Variants in LIX1L observed in about 807,000 individuals in gnomAD.
LIX1L encodes limb and CNS expressed 1 like, also known as LIX1-like protein.
LIX1L carries 20 observed loss-of-function variants against 34.0 expected under a neutral mutation model. That is an observed-to-expected ratio of 0.59 (90% confidence interval 0.41 to 0.85). The LOEUF (loss-of-function observed/expected upper bound fraction) is 0.85. LIX1L is among the 40% of genes least tolerant of loss of function. LIX1L has a pLI of 0.00. For synonymous variants in LIX1L, 170 were observed against 187.4 expected (o/e 0.91, Z 0.76); for missense variants, 397 against 447.0 (o/e 0.89, Z 1.01).
chr1:145,954,963 C>G (rs1217328331), intron 1 of LIX1L, among the ~76,000 whole-genome samples: 1 of 152,174 alleles, frequency 6.6e-6, no homozygotes, highest in Non-Finnish European at 1.5e-5. Flanking sequence ...AAAGTCAACC[C>G]TCTTTGTATT....
chr1:145,942,838 C>T lies in LIX1L; in HGVS notation c.472G>A (p.Ala158Thr). Residue 158 changes from alanine to threonine, a missense_variant, in exon 3 of 6, where the codon GCT (alanine) becomes ACT (threonine). By Grantham distance (58) the Ala-to-Thr change is moderately conservative. Transcript: ENST00000604000. ...FGSFQFCPTK[A>T]EARRSAAKIA... Reference sequence around the variant, plus strand: ...TTTGCAGCACTCCTCCGGGCCTCAGCTTTTGTGGGGCAAAACTAGGCAGGG... The same window carrying T: ...TTTGCAGCACTCCTCCGGGCCTCAGTTTTTGTGGGGCAAAACTAGGCAGGG... The T allele has an allele frequency of 6.2e-7, 1 of 1,614,112 alleles. No homozygotes were observed. Among genetic ancestry groups the T allele is most frequent in the Non-Finnish European group, 8.5e-7 (1 of 1,180,004 alleles).
Position 145,957,664 on chromosome 1 carries a change from G to T in LIX1L, c.264C>A (p.Phe88Leu). The change falls in exon 1 of 6, where the codon TTC becomes TTA. Residue 88 changes from phenylalanine to leucine, a missense_variant. Physicochemically the swap from Phe to Leu is conservative, Grantham distance 22 (BLOSUM62 0). Around this residue, in one of 3 missense-constraint regions of LIX1L, gnomAD observed 207 missense variants for 205.2 expected, o/e 1.01. Coordinates refer to ENST00000604000, the MANE Select transcript of LIX1L (RefSeq NM_153713.3). ...REAVEAVVRS[F>L]AKHTQGYGRV... ...GGCCATAGCCCTGCGTGTGCTTGGC[G>T]AAGCTCCTCACCACGGCCTCCACGG... is the stretch of plus-strand genomic sequence containing the variant. The T allele has an allele frequency of 6.5e-7, 1 of 1,542,002 alleles. No individual in the cohort carries two copies.
In LIX1L at chr1:145,943,398, A is replaced by T. The variant is rs77746277; in HGVS notation, c.457-545T>A. Among the ~76,000 whole-genome samples, 586 of 152,332 alleles carry T rather than the reference A, an allele frequency of 3.8e-3. 6 individuals are homozygous for T. The highest frequency in any genetic ancestry group is 0.028 in the South Asian group (134 of 4,830). On this transcript the variant is annotated intron_variant, in intron 2 of 5. Transcript: ENST00000604000. ...AGGCATTTTCTCAAATAACGTAGTG[A>T]GCCAAAGGAGCTATCCCTGAGAAGG...
chr1:145,936,742 T>A (rs2101891814), intron 5 of LIX1L, among the ~76,000 whole-genome samples, 166 bp downstream of exon 5: 1 of 152,204 alleles, frequency 6.6e-6, no homozygotes, highest in South Asian at 2.1e-4. Flanking sequence ...ACAGCTAATA[T>A]TTACACAGGA....
chr1:145,938,627 G>A (rs938765551), intron 3 of LIX1L, among the ~76,000 whole-genome samples: 19 of 148,924 alleles, frequency 1.3e-4, no homozygotes, highest in Non-Finnish European at 2.1e-4. Flanking sequence ...TTGCTCTGTC[G>A]CCCAGGATGG....
At position 145,947,690 on chromosome 1, in the gene LIX1L, C is replaced by A; in HGVS notation, c.385G>T (p.Val129Phe). 6.2e-7 allele frequency: 1 copy of A among 1,614,172 alleles called. No homozygotes were observed. The highest frequency in any genetic ancestry group is 1.1e-5 in the South Asian group (1 of 91,076). The change falls in exon 2 of 6, where the codon GTT (valine) becomes TTT (phenylalanine). Residue 129 changes from valine to phenylalanine, a missense_variant. Transcript: ENST00000604000. The stretch of plus-strand genomic sequence containing the variant: ...ACATAAGGAGGGCTGTTGGAGGGAA[C>A]CATCTCATAAACCACTAGAGCCCCA... The part of the protein sequence containing the change: ...KNGALVVYEM[V>F]PSNSPPYVCY...
At chr1:145,949,614 T>C (rs782492500) in intron 1 of LIX1L, among the ~76,000 whole-genome samples, 2 of 151,918 alleles carry the variant, frequency 1.3e-5, no homozygotes, top group Non-Finnish European at 2.9e-5. Flanking sequence ...ATTGGAGGAC[T>C]TTAAAAAGAA....
chr1:145,939,482 T>A (rs587707493), intron 3 of LIX1L, among the ~76,000 whole-genome samples: 29 of 151,786 alleles, frequency 1.9e-4, no homozygotes, highest in African/African-American at 6.8e-4. Flanking sequence ...ATTTTTGTAT[T>A]TTTTAGTAGA....
At chr1:145,941,635 C>T (rs1375153676) in intron 3 of LIX1L, among the ~76,000 whole-genome samples, 2 of 152,004 alleles carry the variant, frequency 1.3e-5, no homozygotes, top group Non-Finnish European at 2.9e-5. Flanking sequence ...AGGAAGATGG[C>T]GGTGTTAATT....
At chr1:145,942,059 T>A (rs1349406137) in intron 3 of LIX1L, 2 of 152,078 alleles carry the variant, frequency 1.3e-5, no homozygotes, top group Non-Finnish European at 2.9e-5. Flanking sequence ...ATTTTTTTTT[T>A]ATTTTTTGTA....
Position 145,934,547 on chromosome 1 carries a change from C to G in LIX1L, c.*1763G>C, listed in dbSNP as rs1648553535. ...CGAGATAGCGCCACTGCACTCCAGCCTGGGCGACAGAGCGAGACTCCGTCT... is the reference window on the plus strand; with the variant it reads ...CGAGATAGCGCCACTGCACTCCAGCGTGGGCGACAGAGCGAGACTCCGTCT... On this transcript the variant is annotated 3_prime_UTR_variant, in exon 6 of 6. Transcript: ENST00000604000. 2.3e-5 allele frequency: 3 copies of G among 131,652 alleles called. No homozygotes were observed. The Admixed American group carries it at 2.7e-4, about 12-fold the overall frequency. The allele number at this position is 131,652 out of a possible 1,614,324, so 8.2% of individuals were successfully genotyped here. A position where few individuals can be genotyped will look rare whatever the true frequency, so the allele number is the denominator to read the frequency against.
chr1:145,951,557 CA>C (rs1649300897), intron 1 of LIX1L, among the ~76,000 whole-genome samples: 1 of 151,346 alleles, frequency 6.6e-6, no homozygotes, highest in Non-Finnish European at 1.5e-5. Flanking sequence ...CTGTCATGGG[CA>C]AAAAAAATTA....
chr1:145,954,949 C>A lies in LIX1L; in HGVS notation c.292+2687G>T. Among the ~76,000 whole-genome samples the A allele has an allele frequency of 2.0e-5, 3 of 152,342 alleles. No individual in the cohort carries two copies. In the Middle Eastern group the frequency reaches 0.01, roughly 518 times the overall value. ...GGATTTAGAAACAATGTTTGTTTGG[C>A]TCCAAAGTCAACCCTCTTTGTATTG... On this transcript the variant is annotated intron_variant, in intron 1 of 5. Coordinates refer to ENST00000604000, the MANE Select transcript of LIX1L (RefSeq NM_153713.3).
rs989583197 is a variant in LIX1L, at chr1:145,935,248, C to G, written c.*1062G>C. On this transcript the variant is annotated 3_prime_UTR_variant, in exon 6 of 6. Transcript: ENST00000604000. Reference sequence around the variant, plus strand: ...CCCTTCCTGCAGTCTCCCAAGGTGTCAATTAGGAAGTGCCAAAATACTAAA... The same window carrying G: ...CCCTTCCTGCAGTCTCCCAAGGTGTGAATTAGGAAGTGCCAAAATACTAAA... The G allele has an allele frequency of 1.3e-5, 2 of 151,650 alleles. No individual in the cohort carries two copies. Among genetic ancestry groups the G allele is most frequent in the Admixed American group, 6.6e-5 (1 of 15,238 alleles). 9.4% of individuals were successfully genotyped at this position (151,650 alleles called of 1,614,324 possible). A position where few individuals can be genotyped will look rare whatever the true frequency, so the allele number is the denominator to read the frequency against.
chr1:145,951,252 G>A (rs1553759811), intron 1 of LIX1L, among the ~76,000 whole-genome samples: 1 of 152,092 alleles, frequency 6.6e-6, no homozygotes, highest in East Asian at 1.9e-4. Context: ...TCACCATATT[G>A]GTCAGGCTGG....
rs1553757333 is a variant in LIX1L, at chr1:145,934,143, G to A, written c.*2167C>T. On this transcript the variant is annotated 3_prime_UTR_variant, in exon 6 of 6. Transcript: ENST00000604000. ...GGACAATAATATAGTATAAATAAGA[G>A]ATCACAGAGACAAGGGGGAAATATA... The A allele has an allele frequency of 6.6e-6, 1 of 150,706 alleles. No individual in the cohort carries two copies. The highest frequency in any genetic ancestry group is 2.5e-5 in the African/African-American group (1 of 40,190). The allele number at this position is 150,706 out of a possible 1,614,324, so 9.3% of individuals were successfully genotyped here. A position where few individuals can be genotyped will look rare whatever the true frequency, so the allele number is the denominator to read the frequency against.
intron 1 of LIX1L, among the ~76,000 whole-genome samples, chr1:145,957,109 C>A (rs1649498031): frequency 1.3e-5 from 2 of 152,292 alleles, no homozygotes; most frequent in Non-Finnish European, 1.5e-5. Flanking sequence ...GAAGGCACTA[C>A]CTAGTTCCCC....
chr1:145,943,311 G>A (rs1648990464), intron 2 of LIX1L, among the ~76,000 whole-genome samples: 1 of 152,180 alleles, frequency 6.6e-6, no homozygotes, highest in Non-Finnish European at 1.5e-5. Context: ...TTCTACAGAG[G>A]CCACTGGTCT....
intron 1 of LIX1L, 61 bp downstream of exon 1, chr1:145,957,575 C>G: frequency 7.1e-7 from 1 of 1,398,964 alleles, no homozygotes; most frequent in Non-Finnish European, 9.3e-7. Context: ...ATCCGGAGGA[C>G]TGTGGGAGCA....
Sources: gnomAD v4.1 joint callset for allele counts (sites outside exome capture counted in the v4.1 genomes callset) on GRCh38, gnomAD v4.1.1 for gene constraint, gnomAD v4.1.1 regional missense constraint, MANE v1.5 for transcripts, NCBI Gene and HGNC (gene_info 2026-07-23, HGNC 2026-07-21) for gene names.